The following SCFD2 variants were observed in gnomAD, a reference collection of about 807,000 sequenced individuals.
SCFD2 encodes sec1 family domain-containing protein 2.
In SCFD2, 54 loss-of-function variants were observed where a neutral mutation model predicts 58.9. The observed-to-expected ratio is 0.92, with a 90% CI of 0.74 to 1.15. SCFD2 has a LOEUF of 1.15. Among genes scored for constraint, SCFD2 ranks in the 50% most tolerant of loss-of-function variants. The probability of loss-of-function intolerance (pLI) is 0.00; values close to 1 mark genes in which losing one functional copy is unlikely to be tolerated. For missense variants in SCFD2, 805 were observed against 836.6 expected (o/e 0.96, Z 0.47); for synonymous variants, 321 against 335.9 (o/e 0.96, Z 0.49).
At chr4:52,977,790 C>G (rs181729246) in intron 5 of SCFD2, among the ~76,000 whole-genome samples, 384 of 152,248 alleles carry the variant, frequency 2.5e-3, no homozygotes, top group Non-Finnish European at 4.0e-3. Flanking sequence ...GAGTAAGGAA[C>G]ACAGAGGCCA....
At chr4:52,963,268 T>TA (rs1488588291) in intron 5 of SCFD2, among the ~76,000 whole-genome samples, 7 of 152,200 alleles carry the variant, frequency 4.6e-5, no homozygotes, top group Admixed American at 1.3e-4. Flanking sequence ...CATTTAGGGT[T>TA]AAAAAAATAA....
intron 2 of SCFD2, among the ~76,000 whole-genome samples, chr4:53,334,925 G>A (rs1055017735): frequency 2.0e-5 from 3 of 152,030 alleles, no homozygotes; most frequent in Admixed American, 6.6e-5. Flanking sequence ...GGCAGGGCGC[G>A]ATGGCTCACA....
chr4:53,112,386 C>CT (rs562274177), intron 5 of SCFD2, among the ~76,000 whole-genome samples: 7 of 152,058 alleles, frequency 4.6e-5, no homozygotes, highest in Non-Finnish European at 8.8e-5. Context: ...GAACTTCTGA[C>CT]TTTAACACCT....
In SCFD2 at chr4:53,182,379, C is replaced by A. The variant is rs1338393895; in HGVS notation, c.1312-36797G>T. ...CTACAACTATCTGATCTTTGACAAA[C>A]CTGACAAAAACAAGCAATGGGGAAA... On this transcript the variant is annotated intron_variant, in intron 4 of 8. Coordinates refer to ENST00000401642, the MANE Select transcript of SCFD2 (RefSeq NM_152540.4). Among the ~76,000 whole-genome samples, 8 of 152,056 alleles carry A rather than the reference C, an allele frequency of 5.3e-5. No individual in the cohort carries two copies. The East Asian group carries it at 1.5e-3, about 29-fold the overall frequency.
intron 4 of SCFD2, among the ~76,000 whole-genome samples, chr4:53,229,716 G>T (rs1351976503): frequency 6.6e-6 from 1 of 152,154 alleles, no homozygotes. Context: ...CATGGGCAAG[G>T]ACTTCATGTC....
chr4:53,238,397 G>T (rs1476978913), intron 4 of SCFD2, among the ~76,000 whole-genome samples: 2 of 139,230 alleles, frequency 1.4e-5, no homozygotes, highest in African/African-American at 2.6e-5. Flanking sequence ...CTGGCCTGGC[G>T]GGGGGCTGAC....
chr4:53,249,499 A>G (rs1730265662), intron 4 of SCFD2, among the ~76,000 whole-genome samples: 1 of 152,200 alleles, frequency 6.6e-6, no homozygotes, highest in African/African-American at 2.4e-5. Flanking sequence ...CAAGACACAT[A>G]ATTGTCAGAT....
chr4:53,045,370 GC>G (rs1723015050), intron 5 of SCFD2, among the ~76,000 whole-genome samples: 1 of 152,094 alleles, frequency 6.6e-6, no homozygotes, highest in Non-Finnish European at 1.5e-5. Flanking sequence ...ATTTGTAAAT[GC>G]AATTTGTGTT....
chr4:53,241,441 G>A (rs574916461), intron 4 of SCFD2, among the ~76,000 whole-genome samples: 1 of 152,184 alleles, frequency 6.6e-6, no homozygotes, highest in East Asian at 1.9e-4. Context: ...GCCTCTCCCA[G>A]CCTGGCTGTG....
chr4:53,281,684 C>T (rs1046679903), intron 3 of SCFD2, among the ~76,000 whole-genome samples: 8 of 152,126 alleles, frequency 5.3e-5, no homozygotes, highest in Non-Finnish European at 8.8e-5. Flanking sequence ...GGAAGATCAC[C>T]GAAATAGTCT....
intron 4 of SCFD2, among the ~76,000 whole-genome samples, chr4:53,171,952 TTTGA>T (rs1317714104): frequency 5.4e-5 from 8 of 149,218 alleles, no homozygotes; most frequent in Non-Finnish European, 1.0e-4. Flanking sequence ...ATGTCATTGA[TTTGA>T]TTATTTATTT....
intron 5 of SCFD2, among the ~76,000 whole-genome samples, chr4:53,102,384 AGTT>A: frequency 6.6e-6 from 1 of 152,256 alleles, no homozygotes; most frequent in East Asian, 1.9e-4. Flanking sequence ...ATCCAGATGC[AGTT>A]TTTAAAAATT....
intron 4 of SCFD2, among the ~76,000 whole-genome samples, chr4:53,160,571 G>A (rs1726823682): frequency 6.6e-6 from 1 of 152,064 alleles, no homozygotes; most frequent in East Asian, 1.9e-4. Flanking sequence ...GGACAGAATT[G>A]GTGTAAAATG....
chr4:53,322,185 C>G (rs567595836), intron 2 of SCFD2, among the ~76,000 whole-genome samples: 1 of 152,248 alleles, frequency 6.6e-6, no homozygotes, highest in Admixed American at 6.5e-5. Flanking sequence ...GAGGTTAGCA[C>G]AAGGTACAGA....
chr4:53,327,022 CA>C (rs1169299347), intron 2 of SCFD2, among the ~76,000 whole-genome samples: 1 of 145,098 alleles, frequency 6.9e-6, no homozygotes, highest in Non-Finnish European at 1.5e-5. Flanking sequence ...AAAACAACAA[CA>C]AAAAACTTCA....
intron 4 of SCFD2, among the ~76,000 whole-genome samples, chr4:53,224,453 C>CT (rs1729142501): frequency 6.6e-6 from 1 of 152,024 alleles, no homozygotes; most frequent in South Asian, 2.1e-4. Context: ...CTCTGGATAC[C>CT]TTAACTTCTG....
intron 5 of SCFD2, among the ~76,000 whole-genome samples, chr4:53,121,855 C>T (rs1725487197): frequency 6.7e-6 from 1 of 149,196 alleles, no homozygotes; most frequent in Non-Finnish European, 1.5e-5. Flanking sequence ...AGCTGCATTA[C>T]CCGTGTGATT....
At chr4:53,351,440 T>C (rs6826663) in intron 2 of SCFD2, among the ~76,000 whole-genome samples, 16,166 of 152,262 alleles carry the variant, frequency 0.11, 967 homozygotes, top group East Asian at 0.16. Context: ...AATCTTAACT[T>C]CATATCATTT....
At chr4:52,880,185 T>G (rs1458991625) in intron 8 of SCFD2, among the ~76,000 whole-genome samples, 1 of 152,190 alleles carries the variant, frequency 6.6e-6, no homozygotes, top group East Asian at 1.9e-4. Flanking sequence ...ATCTTTTCGC[T>G]GTTGTCTCCC....
Sources: gnomAD v4.1 joint callset for allele counts (sites outside exome capture counted in the v4.1 genomes callset) on GRCh38, gnomAD v4.1.1 for gene constraint, MANE v1.5 for transcripts, NCBI Gene and HGNC (gene_info 2026-07-23, HGNC 2026-07-21) for gene names.